Variants in PXT1 observed in about 807,000 individuals in gnomAD.
PXT1 encodes peroxisomal testis enriched protein 1.
Under a neutral mutation model 11.0 loss-of-function variants are expected in PXT1, and 11 were observed. That is an observed-to-expected ratio of 1.00 (90% CI 0.63 to 1.66). The LOEUF (loss-of-function observed/expected upper bound fraction) is 1.66, where lower values mean the gene tolerates loss of function less well. Ranked by LOEUF, PXT1 falls within the 40% of genes most tolerant of loss-of-function variation. The probability of loss-of-function intolerance (pLI) is 0.00; values close to 1 mark genes in which losing one functional copy is unlikely to be tolerated. For missense variants in PXT1, 141 were observed against 155.5 expected (o/e 0.91, Z 0.49); for synonymous variants, 43 against 51.4 (o/e 0.84, Z 0.70).
chr6:36,392,115 A>T, intron 4 of PXT1: 1 of 395,596 alleles, frequency 2.5e-6, no homozygotes, highest in Non-Finnish European at 4.6e-6. Context: ...CTGGCCTCAA[A>T]CTCCTGGGCT....
At chr6:36,395,493 ATTTTTT>A (rs148553371) in intron 4 of PXT1, among the ~76,000 whole-genome samples, 14 of 73,310 alleles carry the variant, frequency 1.9e-4, no homozygotes, top group Admixed American at 4.3e-4. Context: ...CAAACTTAGG[ATTTTTT>A]TTTTTTTTTT....
intron 3 of PXT1, among the ~76,000 whole-genome samples, chr6:36,409,864 G>GGAAGGAAGGAAGGAA (rs1561927842): frequency 2.5e-5 from 1 of 39,856 alleles, no homozygotes; most frequent in African/African-American, 1.0e-4. Flanking sequence ...GAAGGAAGGA[G>GGAAGGAAGGAAGGAA]AAAGAAAAGA....
At chr6:36,397,915 C>T (rs745441311) in intron 4 of PXT1, among the ~76,000 whole-genome samples, 1 of 151,748 alleles carries the variant, frequency 6.6e-6, no homozygotes, top group Non-Finnish European at 1.5e-5. Context: ...ACTCAGGAGG[C>T]TGAGGTGGGA....
intron 3 of PXT1, among the ~76,000 whole-genome samples, chr6:36,423,796 G>A (rs1011520545): frequency 2.0e-5 from 3 of 152,186 alleles, no homozygotes; most frequent in Non-Finnish European, 4.4e-5. Context: ...CACTTTATTG[G>A]AAGATCCCTG....
At chr6:36,424,091 G>C (rs534261110) in intron 3 of PXT1, among the ~76,000 whole-genome samples, 2 of 152,222 alleles carry the variant, frequency 1.3e-5, no homozygotes, top group Non-Finnish European at 2.9e-5. Flanking sequence ...GCTTCACAAG[G>C]AATCTGAGGA....
intron 1 of PXT1, among the ~76,000 whole-genome samples, chr6:36,440,386 T>C (rs1774837557): frequency 6.6e-6 from 1 of 152,036 alleles, no homozygotes; most frequent in African/African-American, 2.4e-5. Flanking sequence ...TTGGCTAACA[T>C]GGTGAAACCC....
intron 4 of PXT1, among the ~76,000 whole-genome samples, chr6:36,394,996 G>A (rs2127409279): frequency 6.6e-6 from 1 of 152,044 alleles, no homozygotes; most frequent in South Asian, 2.1e-4. Context: ...TGTAGAGACA[G>A]GGATCTCAAA....
At chr6:36,421,658 G>A (rs980847259) in intron 3 of PXT1, among the ~76,000 whole-genome samples, 3 of 152,134 alleles carry the variant, frequency 2.0e-5, no homozygotes, top group African/African-American at 7.2e-5. Context: ...ATTTTAGAGA[G>A]TGTGTTTTGC....
intron 1 of PXT1, among the ~76,000 whole-genome samples, chr6:36,439,094 G>A (rs1484006488): frequency 6.6e-6 from 1 of 151,692 alleles, no homozygotes; most frequent in African/African-American, 2.4e-5. Context: ...CGCCTCCTGG[G>A]TTCAAGCAAT....
At chr6:36,422,855 C>T (rs1202944186) in intron 3 of PXT1, among the ~76,000 whole-genome samples, 7 of 152,132 alleles carry the variant, frequency 4.6e-5, no homozygotes, top group African/African-American at 1.7e-4. Context: ...AGCCCTTTCC[C>T]ATCAGTAATT....
At chr6:36,425,805 A>AAACAAACAAAAAAAAAATATAT (rs1554154141) in intron 3 of PXT1, 109 bp downstream of exon 3, 3 of 321,510 alleles carry the variant, frequency 9.3e-6, no homozygotes, top group African/African-American at 6.9e-5. Context: ...AAAAACAAAA[A>AAACAAACAAAAAAAAAATATAT]ATATATATAT....
At chr6:36,413,441 T>G (rs983452619) in intron 3 of PXT1, among the ~76,000 whole-genome samples, 15 of 151,002 alleles carry the variant, frequency 9.9e-5, no homozygotes, top group African/African-American at 3.6e-4. Context: ...AGAAAGAAAC[T>G]CCTACCAAGT....
chr6:36,395,815 C>A (rs1003726974), intron 4 of PXT1, among the ~76,000 whole-genome samples: 3 of 151,956 alleles, frequency 2.0e-5, no homozygotes, highest in Non-Finnish European at 2.9e-5. Context: ...GGCTGGGCAA[C>A]ATGGTGAAAT....
At chr6:36,440,564 G>T (rs372913480) in intron 1 of PXT1, among the ~76,000 whole-genome samples, 6 of 150,628 alleles carry the variant, frequency 4.0e-5, no homozygotes, top group Admixed American at 6.6e-5. Flanking sequence ...GCAACAAAGG[G>T]AGACACTGTC....
chr6:36,409,451 G>A (rs1297391383), intron 3 of PXT1, among the ~76,000 whole-genome samples: 2 of 152,104 alleles, frequency 1.3e-5, no homozygotes, highest in South Asian at 2.1e-4. Context: ...TTAACTGGAA[G>A]TCTGATGGGG....
At chr6:36,417,841 T>C (rs1288828749) in intron 3 of PXT1, among the ~76,000 whole-genome samples, 1 of 151,734 alleles carries the variant, frequency 6.6e-6, no homozygotes, top group Non-Finnish European at 1.5e-5. Flanking sequence ...ATGCACATTA[T>C]TTAGAACACT....
chr6:36,435,529 T>C (rs767549634), intron 2 of PXT1, among the ~76,000 whole-genome samples: 11 of 152,122 alleles, frequency 7.2e-5, no homozygotes, highest in Non-Finnish European at 1.5e-4. Flanking sequence ...GCCACTGCAC[T>C]CTAGCCTGGG....
intron 3 of PXT1, among the ~76,000 whole-genome samples, chr6:36,407,638 T>G (rs1366588486): frequency 6.6e-6 from 1 of 151,544 alleles, no homozygotes; most frequent in Non-Finnish European, 1.5e-5. Context: ...ACTTCTGGGC[T>G]CAAGCAATCC....
At chr6:36,435,157 T>C (rs78479508) in intron 2 of PXT1, among the ~76,000 whole-genome samples, 2,088 of 152,230 alleles carry the variant, frequency 0.014, 44 homozygotes, top group African/African-American at 0.045. Context: ...GAAACAAATG[T>C]GGCCAGGTGT....
Sources: allele counts gnomAD v4.1 joint callset (sites outside exome capture counted in the v4.1 genomes callset), GRCh38; gene constraint gnomAD v4.1.1; transcripts MANE v1.5; gene names NCBI Gene and HGNC (gene_info 2026-07-23, HGNC 2026-07-21).